The following SORCS2 variants were observed in gnomAD, a reference collection of about 807,000 sequenced individuals.
SORCS2 encodes the protein sortilin related VPS10 domain containing receptor 2.
SORCS2 carries 100 observed loss-of-function variants against 141.6 expected under a neutral mutation model. The observed-to-expected ratio is 0.71, with a 90% CI of 0.60 to 0.83. The LOEUF is 0.83. Among genes scored for constraint, SORCS2 ranks in the 40% least tolerant of loss-of-function variants. The pLI, the probability that SORCS2 is intolerant of heterozygous loss-of-function variation, is 0.00. For synonymous variants in SORCS2, 789 were observed against 676.9 expected (o/e 1.17, Z -2.57); for missense variants, 1,646 against 1,560.2 (o/e 1.05, Z -0.93).
intron 1 of SORCS2, among the ~76,000 whole-genome samples, chr4:7,300,260 T>G (rs1717346256): frequency 2.0e-5 from 3 of 149,932 alleles, no homozygotes; most frequent in Non-Finnish European, 3.0e-5. Context: ...GAGGGAGGAG[T>G]GAGGGTCTAA....
rs540808653 is a variant in SORCS2 at position 7,473,275 on chromosome 4, A to G, written c.549-58255A>G. On this transcript the variant is annotated intron_variant, in intron 2 of 26. Transcript: ENST00000507866. Reference sequence around the variant, plus strand: ...GGGAGCCTGCGGGGTGGGTCTGCCCATGCGGGAGGGGCTGAGAGGAGAGGA... The same window carrying G: ...GGGAGCCTGCGGGGTGGGTCTGCCCGTGCGGGAGGGGCTGAGAGGAGAGGA... Among the ~76,000 whole-genome samples the G allele has an allele frequency of 2.0e-5, 3 of 152,224 alleles. No homozygotes were observed. In the South Asian group the frequency reaches 6.2e-4, roughly 32 times the overall value.
Position 7,703,338 on chromosome 4 carries a change from T to C in SORCS2, c.1727T>C (p.Ile576Thr). ...GACCACGGCGGCGTGATCGTGGCCA[T>C]CAAAGACACCTCCATCCCTTTGAAG... ...YLDHGGVIVA[I>T]KDTSIPLKIL... Residue 576 changes from isoleucine to threonine, a missense_variant, in exon 13 of 27, where the codon ATC becomes ACC. Physicochemically the swap from Ile to Thr is moderately conservative, Grantham distance 89. Coordinates refer to ENST00000507866, the MANE Select transcript of SORCS2 (RefSeq NM_020777.3). 6.2e-7 allele frequency: 1 copy of C among 1,613,462 alleles called. No homozygotes were observed. The highest frequency in any genetic ancestry group is 8.5e-7 in the Non-Finnish European group (1 of 1,179,690).
At chr4:7,734,169 G>GGGAT in intron 24 of SORCS2, 103 bp from the exon 25 acceptor site, 1 of 794,778 alleles carries the variant, frequency 1.3e-6, no homozygotes, top group Admixed American at 2.3e-5. Context: ...GGGATGGGCG[G>GGGAT]GGGACAGGCT....
At chr4:7,360,185 G>A (rs1370836931) in intron 1 of SORCS2, among the ~76,000 whole-genome samples, 2 of 152,134 alleles carry the variant, frequency 1.3e-5, no homozygotes, top group African/African-American at 4.8e-5. Context: ...CAGAATACCG[G>A]GCAGGTTTTC....
At chr4:7,526,723 C>T (rs987671902) in intron 2 of SORCS2, among the ~76,000 whole-genome samples, 2 of 152,162 alleles carry the variant, frequency 1.3e-5, no homozygotes, top group African/African-American at 4.8e-5. Context: ...GAGCGAGTCT[C>T]TCAGCTGGGG....
intron 2 of SORCS2, chr4:7,434,456 G>T: frequency 6.2e-7 from 1 of 1,610,548 alleles, no homozygotes; most frequent in Non-Finnish European, 8.5e-7. Context: ...CTCTGCAGCG[G>T]CTCACAGAGG....
At chr4:7,728,530 C>T (rs765884246) in intron 22 of SORCS2, 68 bp downstream of exon 22, 13 of 1,172,662 alleles carry the variant, frequency 1.1e-5, no homozygotes, top group Non-Finnish European at 1.4e-5. Context: ...AGCCCAAGGG[C>T]CCCGGGGTGC....
chr4:7,366,439 A>C (rs887541475), intron 1 of SORCS2, among the ~76,000 whole-genome samples: 14 of 149,174 alleles, frequency 9.4e-5, no homozygotes, highest in African/African-American at 3.5e-4. Context: ...CCCATAGGTC[A>C]GTCCTCACGG....
chr4:7,532,973 G>A (rs921961294), intron 3 of SORCS2, among the ~76,000 whole-genome samples: 1 of 152,112 alleles, frequency 6.6e-6, no homozygotes, highest in African/African-American at 2.4e-5. Flanking sequence ...ATGTCTCGGC[G>A]TGTAGGGAAG....
intron 1 of SORCS2, among the ~76,000 whole-genome samples, chr4:7,375,782 G>A (rs745466834): frequency 6.6e-6 from 1 of 152,248 alleles, no homozygotes; most frequent in Non-Finnish European, 1.5e-5. Context: ...CCGGCACTGT[G>A]TGTCCACAGA....
chr4:7,403,272 C>T (rs1724713592), intron 2 of SORCS2, among the ~76,000 whole-genome samples: 1 of 152,134 alleles, frequency 6.6e-6, no homozygotes, highest in African/African-American at 2.4e-5. Flanking sequence ...GGGCTTGGGT[C>T]TGCTTCATAT....
At chr4:7,209,286 G>T (rs1727921654) in intron 1 of SORCS2, among the ~76,000 whole-genome samples, 1 of 152,214 alleles carries the variant, frequency 6.6e-6, no homozygotes, top group Admixed American at 6.5e-5. Context: ...ACTTGCTGCT[G>T]TGCCGCTCAC....
At chr4:7,494,514 G>A (rs1252054662) in intron 2 of SORCS2, among the ~76,000 whole-genome samples, 2 of 21,956 alleles carry the variant, frequency 9.1e-5, no homozygotes, top group East Asian at 6.6e-3. Flanking sequence ...GTCTCATGGT[G>A]TAGAGAGAGA....
chr4:7,295,644 C>G (rs1325321456), intron 1 of SORCS2, among the ~76,000 whole-genome samples: 1 of 152,206 alleles, frequency 6.6e-6, no homozygotes, highest in African/African-American at 2.4e-5. Context: ...TGGAGGGCAG[C>G]CCTACTGTAG....
chr4:7,725,288 G>GTGCGC lies in SORCS2; in HGVS notation c.2745+4_2745+8dup, dbSNP rs1560115682. The GTGCGC allele has an allele frequency of 6.2e-7, 1 of 1,612,284 alleles. No individual in the cohort carries two copies. Among genetic ancestry groups the GTGCGC allele is most frequent in the Admixed American group, 1.7e-5 (1 of 59,862 alleles). On this transcript the variant is annotated splice_donor_variant, in intron 20 of 26. Coordinates refer to ENST00000507866, the MANE Select transcript of SORCS2 (RefSeq NM_020777.3). LOFTEE classifies it high-confidence loss of function. ...CTGGTGGATCGGCCACAGCCTGCAG[G>GTGCGC]TGCGCTGGCTTTGCCCCAACTCAGC...
intron 2 of SORCS2, among the ~76,000 whole-genome samples, chr4:7,398,972 G>A (rs1577500297): frequency 6.6e-6 from 1 of 152,230 alleles, no homozygotes; most frequent in African/African-American, 2.4e-5. Context: ...GCAGTGCCCT[G>A]CATCCTGCTG....
chr4:7,550,293 TG>T (rs149303674), intron 3 of SORCS2, among the ~76,000 whole-genome samples: 6,947 of 152,184 alleles, frequency 0.046, 209 homozygotes, highest in South Asian at 0.087. Flanking sequence ...AGCAAGGCAC[TG>T]GGGGCCTGAG....
intron 1 of SORCS2, among the ~76,000 whole-genome samples, chr4:7,351,175 G>A (rs1395358967): frequency 1.3e-5 from 2 of 152,198 alleles, no homozygotes; most frequent in African/African-American, 4.8e-5. Context: ...GCCCTCTGCT[G>A]CCTGAGTCAC....
At chr4:7,565,727 GTGA>G (rs374210116) in intron 3 of SORCS2, among the ~76,000 whole-genome samples, 34 of 150,768 alleles carry the variant, frequency 2.3e-4, no homozygotes, top group African/African-American at 4.9e-4. Context: ...TGCTGTGATG[GTGA>G]TGATGATGAT....
Sources: allele counts gnomAD v4.1 joint callset (sites outside exome capture counted in the v4.1 genomes callset), GRCh38; gene constraint gnomAD v4.1.1; transcripts MANE v1.5; gene names NCBI Gene and HGNC (gene_info 2026-07-23, HGNC 2026-07-21).